SLC24A3: variants seen among roughly 807,000 people sequenced by gnomAD.
SLC24A3 encodes solute carrier family 24 member 3.
SLC24A3 carries 28 observed loss-of-function variants against 75.8 expected under a neutral mutation model. That is an observed-to-expected ratio of 0.37 (90% CI 0.27 to 0.51). The LOEUF is 0.51. SLC24A3 is among the 20% of genes least tolerant of loss of function. The probability of loss-of-function intolerance (pLI) is 0.94; values close to 1 mark genes in which losing one functional copy is unlikely to be tolerated. For synonymous variants in SLC24A3, 372 were observed against 334.1 expected, an observed-to-expected ratio of 1.11 and a Z score of -1.24; for missense variants, 663 against 847.8, an observed-to-expected ratio of 0.78 and a Z score of 2.71.
chr20:19,662,522 A>G (rs1244562448), intron 7 of SLC24A3, among the ~76,000 whole-genome samples: 3 of 152,238 alleles, frequency 2.0e-5, no homozygotes, highest in Admixed American at 6.5e-5. Context: ...AACTGACTTC[A>G]TTTCAACTTC....
intron 16 of SLC24A3, among the ~76,000 whole-genome samples, chr20:19,717,949 T>C (rs1037836186): frequency 6.6e-6 from 1 of 152,252 alleles, no homozygotes; most frequent in East Asian, 1.9e-4. Context: ...ATTTGACTAA[T>C]ACTTGGAAAC....
intron 3 of SLC24A3, among the ~76,000 whole-genome samples, chr20:19,557,283 G>GGT (rs1172466437): frequency 1.3e-5 from 2 of 152,166 alleles, no homozygotes; most frequent in African/African-American, 4.8e-5. Flanking sequence ...TCTGTGCAGT[G>GGT]GTGTGCTGGA....
intron 6 of SLC24A3, among the ~76,000 whole-genome samples, chr20:19,609,733 A>G (rs1367132365): frequency 6.6e-6 from 1 of 152,224 alleles, no homozygotes; most frequent in Non-Finnish European, 1.5e-5. Flanking sequence ...TTCCCATTTC[A>G]GGTAGTTTAC....
intron 6 of SLC24A3, among the ~76,000 whole-genome samples, chr20:19,592,899 G>A (rs951439997): frequency 2.7e-5 from 4 of 148,214 alleles, no homozygotes; most frequent in South Asian, 2.1e-4. Context: ...AAGTTTAAGC[G>A]ATTCTCCTGC....
At chr20:19,629,419 G>A (rs1412199396) in intron 6 of SLC24A3, among the ~76,000 whole-genome samples, 1 of 152,068 alleles carries the variant, frequency 6.6e-6, no homozygotes, top group Non-Finnish European at 1.5e-5. Flanking sequence ...TATAGGATAC[G>A]ATCAAGTGGA....
Position 19,238,469 on chromosome 20 carries a change from G to A in SLC24A3, c.142+25485G>A, listed in dbSNP as rs377050494. 2.1e-3 allele frequency among the ~76,000 whole-genome samples: 313 copies of A among 152,310 alleles called. 9 individuals are homozygous for A. In the South Asian group the frequency reaches 0.058, roughly 28 times the overall value. On this transcript the variant is annotated intron_variant, in intron 1 of 16. Transcript: ENST00000328041. ...TCACTTGCATGTATTTTGATCTGGT[G>A]TATACTCCAGAGTGGAATGGCAGGG...
chr20:19,713,455 A>C (rs144682844), intron 15 of SLC24A3, among the ~76,000 whole-genome samples: 5 of 152,018 alleles, frequency 3.3e-5, no homozygotes, highest in African/African-American at 1.2e-4. Flanking sequence ...TTCCAACCTC[A>C]CTCTGACCAG....
intron 2 of SLC24A3, among the ~76,000 whole-genome samples, chr20:19,325,761 C>T (rs62200364): frequency 0.18 from 7,839 of 43,294 alleles, 520 homozygotes; most frequent in Middle Eastern, 0.3. Context: ...TGTATACATA[C>T]ATACATATAT....
chr20:19,513,111 G>GA (rs372679306), intron 2 of SLC24A3, among the ~76,000 whole-genome samples: 133 of 148,746 alleles, frequency 8.9e-4, no homozygotes, highest in African/African-American at 2.7e-3. Context: ...AAAATGCAAA[G>GA]AAAAAAAAAA....
chr20:19,294,646 A>G (rs1044166976), intron 2 of SLC24A3, among the ~76,000 whole-genome samples: 6 of 152,180 alleles, frequency 3.9e-5, no homozygotes, highest in African/African-American at 1.4e-4. Flanking sequence ...ATAGTATTCC[A>G]TGGTGCATAT....
intron 2 of SLC24A3, among the ~76,000 whole-genome samples, chr20:19,343,204 G>T (rs1985315524): frequency 6.6e-6 from 1 of 152,128 alleles, no homozygotes. Context: ...GGCTGTTCCA[G>T]CTGGACCACA....
At chr20:19,596,936 A>T (rs2122649828) in intron 6 of SLC24A3, among the ~76,000 whole-genome samples, 1 of 152,308 alleles carries the variant, frequency 6.6e-6, no homozygotes, top group South Asian at 2.1e-4. Flanking sequence ...AGGTCCAGCT[A>T]GAGTTTGGAT....
intron 6 of SLC24A3, among the ~76,000 whole-genome samples, chr20:19,629,178 A>G (rs1470322166): frequency 6.6e-6 from 1 of 152,102 alleles, no homozygotes; most frequent in Non-Finnish European, 1.5e-5. Context: ...AAAACAATAT[A>G]CAAACAAAAT....
chr20:19,340,395 A>G (rs1280576321), intron 2 of SLC24A3, among the ~76,000 whole-genome samples: 1 of 152,238 alleles, frequency 6.6e-6, no homozygotes, highest in Non-Finnish European at 1.5e-5. Flanking sequence ...CTCAGAAGGA[A>G]CCAGCTTTGC....
In SLC24A3 at chr20:19,698,574, G is replaced by C. The variant is rs748735640; in HGVS notation, c.1613G>C (p.Gly538Ala). ...ASLIVARQGM[G>A]DMAVSNSIGS... Reference sequence around the variant, plus strand: ...TGACCTCTTGTCCCTGCAGGGATGGGGGACATGGCTGTGTCCAACTCCATT... The same window carrying C: ...TGACCTCTTGTCCCTGCAGGGATGGCGGACATGGCTGTGTCCAACTCCATT... The change falls in exon 15 of 17, where the codon GGG becomes GCG. Residue 538 changes from glycine (G) to alanine (A), a missense_variant. Coordinates refer to ENST00000328041, the MANE Select transcript of SLC24A3 (RefSeq NM_020689.4). 1 of 1,580,168 alleles carries C rather than the reference G, an allele frequency of 6.3e-7. No individual in the cohort carries two copies. Among genetic ancestry groups the C allele is most frequent in the South Asian group, 1.2e-5 (1 of 86,776 alleles).
intron 15 of SLC24A3, among the ~76,000 whole-genome samples, chr20:19,706,871 T>G (rs2032936529): frequency 6.6e-6 from 1 of 152,158 alleles, no homozygotes; most frequent in South Asian, 2.1e-4. Context: ...TTGTATCTGT[T>G]AGCTATGGTT....
intron 6 of SLC24A3, among the ~76,000 whole-genome samples, chr20:19,611,190 C>T (rs1234986197): frequency 6.6e-6 from 1 of 152,184 alleles, no homozygotes; most frequent in Admixed American, 6.5e-5. Flanking sequence ...ATGCACTCAA[C>T]AATGCAGATT....
intron 2 of SLC24A3, among the ~76,000 whole-genome samples, chr20:19,487,698 A>G (rs1988148823): frequency 6.6e-6 from 1 of 152,210 alleles, no homozygotes; most frequent in Non-Finnish European, 1.5e-5. Context: ...CTAGTCAGTC[A>G]CTGTGAGCTG....
chr20:19,388,831 T>C (rs532078232), intron 2 of SLC24A3, among the ~76,000 whole-genome samples: 268 of 152,350 alleles, frequency 1.8e-3, no homozygotes, highest in Non-Finnish European at 2.8e-3. Flanking sequence ...TTTAATCCAT[T>C]CAGTCTTTTA....
Sources: gnomAD v4.1 joint callset for allele counts (sites outside exome capture counted in the v4.1 genomes callset) on GRCh38, gnomAD v4.1.1 for gene constraint, MANE v1.5 for transcripts, NCBI Gene and HGNC (gene_info 2026-07-23, HGNC 2026-07-21) for gene names.